The following CACNA1D variants were observed in gnomAD, a reference collection of about 807,000 sequenced individuals.
The protein encoded by CACNA1D is calcium voltage-gated channel subunit alpha1 D.
In CACNA1D, 55 loss-of-function variants were observed where a neutral mutation model predicts 257.1. The observed-to-expected ratio is 0.21, with a 90% CI of 0.17 to 0.27. CACNA1D has a LOEUF of 0.27. CACNA1D is among the 10% of genes least tolerant of loss of function. The pLI is 1.00. For missense variants in CACNA1D, 1,876 were observed against 2,784.0 expected (o/e 0.67, Z 7.34); for synonymous variants, 980 against 1,014.9 (o/e 0.97, Z 0.65).
chr3:53,527,614 G>C (rs1416676639), intron 3 of CACNA1D, among the ~76,000 whole-genome samples: 2 of 152,178 alleles, frequency 1.3e-5, no homozygotes, highest in Non-Finnish European at 2.9e-5. Flanking sequence ...CAGGGAGGTT[G>C]GGCTGCTGTG....
chr3:53,552,086 G>A (rs779482600), intron 3 of CACNA1D, among the ~76,000 whole-genome samples: 3 of 152,140 alleles, frequency 2.0e-5, no homozygotes, highest in Admixed American at 6.5e-5. Context: ...CCACTTGTAC[G>A]GGCAACTCAG....
intron 3 of CACNA1D, among the ~76,000 whole-genome samples, chr3:53,573,483 A>G (rs1274515794): frequency 6.6e-6 from 1 of 152,182 alleles, no homozygotes; most frequent in Non-Finnish European, 1.5e-5. Context: ...CTTTACTCAG[A>G]GTCACCTTTT....
At chr3:53,568,415 C>T (rs930760705) in intron 3 of CACNA1D, among the ~76,000 whole-genome samples, 19 of 152,306 alleles carry the variant, frequency 1.2e-4, no homozygotes, top group African/African-American at 2.4e-4. Context: ...CACTCTCGGC[C>T]GATGGCTTTA....
Position 53,800,630 on chromosome 3 carries a change from C to T in CACNA1D, c.5040+265C>T, listed in dbSNP as rs1296489427. On this transcript the variant is annotated intron_variant, in intron 41 of 47. Coordinates refer to ENST00000350061, the MANE Select transcript of CACNA1D (RefSeq NM_001128840.3). The surrounding 1 kb of genome is among the most constrained non-coding windows in gnomAD (Gnocchi z 4.3). ...TGAGGAGCTCGGCCACAGCCGCTGGCCCTGTGGATGAGCATCCTGAGTCCT... is the reference window on the plus strand; with the variant it reads ...TGAGGAGCTCGGCCACAGCCGCTGGTCCTGTGGATGAGCATCCTGAGTCCT... 3.7e-6 allele frequency: 2 copies of T among 534,384 alleles called. No individual in the cohort carries two copies. The highest frequency in any genetic ancestry group is 3.4e-6 in the Non-Finnish European group (1 of 294,070). 33.1% of individuals were successfully genotyped at this position (534,384 alleles called of 1,614,324 possible). A position where few individuals can be genotyped will look rare whatever the true frequency, so the allele number is the denominator to read the frequency against.
rs2092433458 is a variant in CACNA1D at position 53,547,330 on chromosome 3, G to A, written c.483+45610G>A. ...GCCCTGTGTTAGGAATGCTGCTAAC[G>A]AGGGCAACAGGGCTCTTGCTCTCTT... On this transcript the variant is annotated intron_variant, in intron 3 of 47. Coordinates refer to ENST00000350061, the MANE Select transcript of CACNA1D (RefSeq NM_001128840.3). 2.0e-5 allele frequency among the ~76,000 whole-genome samples: 3 copies of A among 152,268 alleles called. No homozygotes were observed. In the South Asian group the frequency reaches 6.2e-4, roughly 32 times the overall value.
At chr3:53,809,504 G>A (rs1190699998) in intron 46 of CACNA1D, 5 of 209,596 alleles carry the variant, frequency 2.4e-5, no homozygotes, top group Non-Finnish European at 3.9e-5. Flanking sequence ...TTGTAAGACC[G>A]GGGCTTGTAC....
intron 4 of CACNA1D, among the ~76,000 whole-genome samples, chr3:53,652,843 A>C (rs555515666): frequency 8.5e-5 from 13 of 152,380 alleles, no homozygotes; most frequent in Admixed American, 8.5e-4. Flanking sequence ...CAAAACCTAA[A>C]ATATTTAAAT....
chr3:53,810,132 T>C lies in CACNA1D; in HGVS notation c.6026T>C (p.Leu2009Pro), dbSNP rs1208108024. ...ATCCAAGTGGAGCAGTCAGAGGCCCTGGACCAGGTGAACGGCAGCCTGCCG... is the reference window on the plus strand; with the variant it reads ...ATCCAAGTGGAGCAGTCAGAGGCCCCGGACCAGGTGAACGGCAGCCTGCCG... ...PLIQVEQSEALDQVNGSLPSL... is the reference protein window; with the variant it reads ...PLIQVEQSEAPDQVNGSLPSL... Residue 2009 changes from leucine to proline, a missense_variant, in exon 47 of 48, where the codon CTG becomes CCG. By Grantham distance (98) the Leu-to-Pro change is moderately conservative. Transcript: ENST00000350061. 2 of 1,613,858 alleles carry C rather than the reference T, an allele frequency of 1.2e-6. No individual in the cohort carries two copies. Among genetic ancestry groups the C allele is most frequent in the African/African-American group, 1.3e-5 (1 of 74,912 alleles).
intron 37 of CACNA1D, among the ~76,000 whole-genome samples, chr3:53,778,636 C>T (rs1202740696): frequency 6.6e-6 from 1 of 152,200 alleles, no homozygotes; most frequent in Non-Finnish European, 1.5e-5. Context: ...GTCCGTGAGT[C>T]CTTTAATCCT....
chr3:53,541,153 A>G (rs562319049), intron 3 of CACNA1D, among the ~76,000 whole-genome samples: 1 of 152,356 alleles, frequency 6.6e-6, no homozygotes, highest in Non-Finnish European at 1.5e-5. Context: ...CTATAAAGCA[A>G]ATTCTAAACA....
At chr3:53,786,458 G>A (rs907290537) in intron 39 of CACNA1D, 41 of 297,400 alleles carry the variant, frequency 1.4e-4, no homozygotes, top group African/African-American at 8.2e-4. Flanking sequence ...GCACAGGGGT[G>A]AAATGTGGCC....
chr3:53,538,399 C>T (rs964648243), intron 3 of CACNA1D, among the ~76,000 whole-genome samples: 3 of 152,008 alleles, frequency 2.0e-5, no homozygotes, highest in Non-Finnish European at 4.4e-5. Flanking sequence ...TCAAGTGATC[C>T]GTCCCCATCG....
chr3:53,519,441 A>G (rs1348470303), intron 3 of CACNA1D, among the ~76,000 whole-genome samples: 2 of 152,118 alleles, frequency 1.3e-5, no homozygotes, highest in African/African-American at 4.8e-5. Flanking sequence ...GACGACAAAG[A>G]CTGTTGTAGA....
chr3:53,523,076 G>A (rs536713703), intron 3 of CACNA1D, among the ~76,000 whole-genome samples: 1 of 152,304 alleles, frequency 6.6e-6, no homozygotes, highest in Non-Finnish European at 1.5e-5. Context: ...GTACTCTCGA[G>A]TTTAGTTCTT....
intron 9 of CACNA1D, among the ~76,000 whole-genome samples, chr3:53,715,182 T>G (rs889090459): frequency 6.6e-6 from 1 of 152,178 alleles, no homozygotes; most frequent in Admixed American, 6.5e-5. Flanking sequence ...AAGGGCTGTT[T>G]CCAGGACCAA....
chr3:53,555,455 TGTGTG>T (rs1448318395), intron 3 of CACNA1D, among the ~76,000 whole-genome samples: 6 of 108,268 alleles, frequency 5.5e-5, no homozygotes, highest in African/African-American at 2.1e-4. Flanking sequence ...TGTGTGTGTG[TGTGTG>T]TTTTTTTTTT....
rs1196796673 is a variant in CACNA1D at position 53,789,446 on chromosome 3, T to C, written c.4923+2494T>C. Reference sequence around the variant, plus strand: ...GTGTGATTTGTTACTCCATGTTTAATTAGCATGAGTAGGCTTTCGTTTCTG... The same window carrying C: ...GTGTGATTTGTTACTCCATGTTTAACTAGCATGAGTAGGCTTTCGTTTCTG... On this transcript the variant is annotated intron_variant, in intron 40 of 47. Coordinates refer to ENST00000350061, the MANE Select transcript of CACNA1D (RefSeq NM_001128840.3). This position sits in a 1 kb window ranked among gnomAD's most constrained non-coding sequence, Gnocchi z 4.2. 1.8e-4 allele frequency among the ~76,000 whole-genome samples: 28 copies of C among 152,262 alleles called. No individual in the cohort carries two copies.
intron 30 of CACNA1D, among the ~76,000 whole-genome samples, chr3:53,767,158 G>T (rs1227131223): frequency 7.2e-5 from 11 of 152,114 alleles, no homozygotes; most frequent in Non-Finnish European, 1.5e-4. Flanking sequence ...AGATCTAAAG[G>T]GCATTAGCTG....
rs1022530027 is a variant in CACNA1D at position 53,596,604 on chromosome 3, G to A, written c.484-54175G>A. 2.2e-4 allele frequency among the ~76,000 whole-genome samples: 34 copies of A among 152,146 alleles called. 1 individual carries two copies. Among genetic ancestry groups the A allele is most frequent in the African/African-American group, 2.7e-4 (11 of 41,424 alleles). On this transcript the variant is annotated intron_variant, in intron 3 of 47. Transcript: ENST00000350061. Reference sequence around the variant, plus strand: ...TACAAGAGGGAGGCAAGAGTTAGCCGGAGAAGGAGCTGCAGTGATGGAAGC... The same window carrying A: ...TACAAGAGGGAGGCAAGAGTTAGCCAGAGAAGGAGCTGCAGTGATGGAAGC...
Sources: allele counts gnomAD v4.1 joint callset (sites outside exome capture counted in the v4.1 genomes callset), GRCh38; gene constraint gnomAD v4.1.1; non-coding constraint Gnocchi (gnomAD v3.1); transcripts MANE v1.5; gene names NCBI Gene and HGNC (gene_info 2026-07-23, HGNC 2026-07-21).